LCOR: variants seen among roughly 807,000 people sequenced by gnomAD.
LCOR encodes ligand dependent nuclear receptor corepressor, also known as ligand-dependent corepressor.
A neutral mutation model predicts 64.4 loss-of-function variants in LCOR; 14 were observed. The observed-to-expected ratio is 0.22, with a 90% CI of 0.14 to 0.34. The LOEUF is 0.34. LCOR is among the 10% of genes least tolerant of loss of function. LCOR has a pLI of 1.00. For missense variants in LCOR, 1,686 were observed against 1,765.3 expected (o/e 0.96, Z 0.80); for synonymous variants, 643 against 642.5 (o/e 1.00, Z -0.01).
intron 2 of LCOR, among the ~76,000 whole-genome samples, chr10:96,851,367 C>T (rs1845719136): frequency 6.6e-6 from 1 of 152,168 alleles, no homozygotes; most frequent in Non-Finnish European, 1.5e-5. Flanking sequence ...CGTTCTTCAG[C>T]AGCACACTAG....
chr10:96,833,339 C>T, intron 1 of LCOR, 67 bp from the exon 2 acceptor site: 12 of 967,376 alleles, frequency 1.2e-5, no homozygotes, highest in Non-Finnish European at 1.5e-5. Flanking sequence ...GGGGGCGCCC[C>T]GGGAGGGGCC....
At chr10:96,868,043 C>T (rs1846004385) in intron 2 of LCOR, among the ~76,000 whole-genome samples, 1 of 151,606 alleles carries the variant, frequency 6.6e-6, no homozygotes, top group Non-Finnish European at 1.5e-5. Flanking sequence ...CACCACCGTG[C>T]CTGGCTAATT....
chr10:96,923,454 C>A (rs972578104), intron 4 of LCOR, among the ~76,000 whole-genome samples: 1 of 152,206 alleles, frequency 6.6e-6, no homozygotes, highest in Non-Finnish European at 1.5e-5. Flanking sequence ...GGCCATCCTA[C>A]CCTTTCCTAT....
intron 4 of LCOR, among the ~76,000 whole-genome samples, chr10:96,909,349 G>T (rs1316833713): frequency 1.3e-5 from 2 of 152,090 alleles, no homozygotes; most frequent in African/African-American, 4.8e-5. Flanking sequence ...TTTCAACTAA[G>T]CTATTTCTCT....
Position 96,994,511 on chromosome 10 carries a change from CTCT to C in LCOR, c.*9379_*9381del. On this transcript the variant is annotated 3_prime_UTR_variant, in exon 8 of 8. Coordinates refer to ENST00000421806, the MANE Select transcript of LCOR (RefSeq NM_001346516.2). ...TTTTTAGGCTTTTGGAATATGTCTT[CTCT>C]TTTGTATTTATGATGGTGTTTGGAA... The C allele has an allele frequency of 6.6e-6, 1 of 152,286 alleles. No individual in the cohort carries two copies. Among genetic ancestry groups the C allele is most frequent in the Non-Finnish European group, 1.5e-5 (1 of 68,028 alleles). 9.4% of individuals were successfully genotyped at this position (152,286 alleles called of 1,614,324 possible). A position where few individuals can be genotyped will look rare whatever the true frequency, so the allele number is the denominator to read the frequency against.
At chr10:96,924,004 G>A (rs1034091222) in intron 4 of LCOR, among the ~76,000 whole-genome samples, 5 of 152,116 alleles carry the variant, frequency 3.3e-5, no homozygotes, top group African/African-American at 1.2e-4. Flanking sequence ...CCAGGTTCTC[G>A]AGATATTAAG....
chr10:96,981,799 A>G lies in LCOR; in HGVS notation c.1339A>G (p.Thr447Ala), dbSNP rs369050320. The change falls in exon 8 of 8, where the codon ACC (threonine) becomes GCC (alanine). Residue 447 changes from threonine (T) to alanine (A), a missense_variant. Around this residue, in one of 3 missense-constraint regions of LCOR, gnomAD observed 1,293 missense variants for 1,410.4 expected, o/e 0.92. Coordinates refer to ENST00000421806, the MANE Select transcript of LCOR (RefSeq NM_001346516.2). Reference sequence around the variant, plus strand: ...ACACTCAAGAACCAAGATGATATCAACCTCCATCAAGACAGCTCGGAAAAG... The same window carrying G: ...ACACTCAAGAACCAAGATGATATCAGCCTCCATCAAGACAGCTCGGAAAAG... ...NGHSRTKMIS[T>A]SIKTARKSKR... is the part of the protein sequence containing the mutation. The G allele has an allele frequency of 1.8e-4, 291 of 1,614,180 alleles. 1 individual carries two copies. Among genetic ancestry groups the G allele is most frequent in the South Asian group, 5.5e-4 (50 of 91,074 alleles).
At chr10:96,885,012 A>G (rs1846319328) in intron 2 of LCOR, among the ~76,000 whole-genome samples, 2 of 152,330 alleles carry the variant, frequency 1.3e-5, no homozygotes, top group South Asian at 2.1e-4. Context: ...TCCATTATAT[A>G]TAGTAATAAG....
intron 2 of LCOR, among the ~76,000 whole-genome samples, chr10:96,882,826 A>C (rs942893519): frequency 2.0e-5 from 3 of 152,070 alleles, no homozygotes; most frequent in Non-Finnish European, 4.4e-5. Context: ...GGAATCCTAT[A>C]GTATGTAGCC....
chr10:96,857,305 T>C (rs182099093), intron 2 of LCOR, among the ~76,000 whole-genome samples: 2 of 152,188 alleles, frequency 1.3e-5, no homozygotes, highest in African/African-American at 4.8e-5. Context: ...AGCCATCCCC[T>C]GTACTTTTTT....
intron 7 of LCOR, among the ~76,000 whole-genome samples, chr10:96,976,477 A>G (rs541599002): frequency 1.3e-5 from 2 of 152,314 alleles, no homozygotes; most frequent in East Asian, 3.9e-4. Context: ...TGTGAAATAC[A>G]TTCCTACCTA....
intron 4 of LCOR, chr10:96,915,569 A>C: frequency 1.5e-6 from 1 of 678,922 alleles, no homozygotes; most frequent in Non-Finnish European, 2.6e-6. Context: ...AACTTGGTAA[A>C]AAATAGAATT....
intron 4 of LCOR, among the ~76,000 whole-genome samples, chr10:96,920,744 ATATG>A (rs1437057315): frequency 8.4e-6 from 1 of 119,114 alleles, no homozygotes; most frequent in Non-Finnish European, 1.7e-5. Flanking sequence ...ATATGTGTAT[ATATG>A]TATACACACA....
chr10:96,947,076 G>T (rs541699094), intron 5 of LCOR, among the ~76,000 whole-genome samples: 60 of 152,078 alleles, frequency 3.9e-4, no homozygotes, highest in African/African-American at 1.4e-3. Flanking sequence ...AAAATTCAAT[G>T]GATGGAGATA....
intron 2 of LCOR, among the ~76,000 whole-genome samples, chr10:96,853,026 A>T (rs978184713): frequency 1.1e-4 from 16 of 152,130 alleles, no homozygotes; most frequent in African/African-American, 3.1e-4. Context: ...ATAGGAATAC[A>T]CTTTATTTTG....
At chr10:96,870,209 A>G (rs1442190641) in intron 2 of LCOR, among the ~76,000 whole-genome samples, 2 of 151,116 alleles carry the variant, frequency 1.3e-5, no homozygotes, top group African/African-American at 2.4e-5. Flanking sequence ...TTTTGTAGAG[A>G]CGGGGTTTCA....
chr10:96,853,297 C>A lies in LCOR; in HGVS notation c.-330+19818C>A, dbSNP rs139128183. ...TCCTGACCTCAAGTGATCTGCCCGC[C>A]TCAGCCTCCCAAGTGCTGGGGTTAC... On this transcript the variant is annotated intron_variant, in intron 2 of 7. Coordinates refer to ENST00000421806, the MANE Select transcript of LCOR (RefSeq NM_001346516.2). 9.8e-5 allele frequency among the ~76,000 whole-genome samples: 15 copies of A among 152,342 alleles called. No homozygotes were observed. The East Asian group carries it at 2.9e-3, about 29-fold the overall frequency.
At position 96,952,181 on chromosome 10, in the gene LCOR, G is replaced by C; in HGVS notation, c.317G>C (p.Ser106Thr). ...TSLSHSPGCSSTQGNGENSTE... is the reference protein window; with the variant it reads ...TSLSHSPGCSTTQGNGENSTE... Reference sequence around the variant, plus strand: ...CTGAGCCACTCTCCAGGCTGCTCCAGTACTCAAGGGAACGGGTAAGGGAGA... The same window carrying C: ...CTGAGCCACTCTCCAGGCTGCTCCACTACTCAAGGGAACGGGTAAGGGAGA... The change falls in exon 7 of 8, where the codon AGT (serine) becomes ACT (threonine). Residue 106 changes from serine (S) to threonine (T), a missense_variant. Physicochemically the swap from Ser to Thr is moderately conservative, Grantham distance 58. Transcript: ENST00000421806. The C allele has an allele frequency of 3.1e-6, 5 of 1,612,928 alleles. No individual in the cohort carries two copies. The highest frequency in any genetic ancestry group is 4.2e-6 in the Non-Finnish European group (5 of 1,178,932).
chr10:96,964,439 G>C (rs1483383031), intron 7 of LCOR: 1 of 152,048 alleles, frequency 6.6e-6, no homozygotes, highest in African/African-American at 2.4e-5. Flanking sequence ...GTGAAAAACT[G>C]TTTTTAAAGC....
Sources: gnomAD v4.1 joint callset for allele counts (sites outside exome capture counted in the v4.1 genomes callset) on GRCh38, gnomAD v4.1.1 for gene constraint, gnomAD v4.1.1 regional missense constraint, MANE v1.5 for transcripts, NCBI Gene and HGNC (gene_info 2026-07-23, HGNC 2026-07-21) for gene names.